The following ATAD2B variants were observed in gnomAD, a reference collection of about 807,000 sequenced individuals.
ATAD2B encodes the protein ATPase family AAA domain-containing protein 2B.
A neutral mutation model predicts 167.6 loss-of-function variants in ATAD2B; 40 were observed. The ratio of observed to expected loss-of-function variants is 0.24; its 90% CI spans 0.19 to 0.31. The LOEUF (loss-of-function observed/expected upper bound fraction) is 0.31, where lower values mean the gene tolerates loss of function less well. Ranked by LOEUF, ATAD2B falls within the 10% of genes least tolerant of loss-of-function variation. The pLI is 1.00. For synonymous variants in ATAD2B, 579 were observed against 596.5 expected (o/e 0.97, Z 0.43); for missense variants, 1,242 against 1,757.2 (o/e 0.71, Z 5.24).
rs144144094 is a variant in ATAD2B at position 23,772,043 on chromosome 2, A to C, written c.3134-6415T>G. On this transcript the variant is annotated intron_variant, in intron 22 of 27. Transcript: ENST00000238789. The stretch of plus-strand genomic sequence containing the variant: ...TCCAGGCAACCACACTACTCCTCTT[A>C]TTTGTTTCTATCTTTTGGGAATCAC... Among the ~76,000 whole-genome samples, 476 of 151,868 alleles carry C rather than the reference A, an allele frequency of 3.1e-3. 4 individuals are homozygous for C. The highest frequency in any genetic ancestry group is 0.028 in the South Asian group (135 of 4,796).
In ATAD2B at chr2:23,749,218, A is replaced by G. The variant is rs1675108028; in HGVS notation, c.*2828T>C. 6.6e-6 allele frequency: 1 copy of G among 151,732 alleles called. No individual in the cohort carries two copies. The highest frequency in any genetic ancestry group is 1.5e-5 in the Non-Finnish European group (1 of 67,930). 9.4% of individuals were successfully genotyped at this position (151,732 alleles called of 1,614,324 possible). A position where few individuals can be genotyped will look rare whatever the true frequency, so the allele number is the denominator to read the frequency against. Reference sequence around the variant, plus strand: ...AGATTCAAGCTCGAAAACACAATTAACTCCACAGCCATCAGTTTCAACCCT... The same window carrying G: ...AGATTCAAGCTCGAAAACACAATTAGCTCCACAGCCATCAGTTTCAACCCT... On this transcript the variant is annotated 3_prime_UTR_variant, in exon 28 of 28. Coordinates refer to ENST00000238789, the MANE Select transcript of ATAD2B (RefSeq NM_017552.4).
chr2:23,749,211 A>G lies in ATAD2B; in HGVS notation c.*2835T>C, dbSNP rs1164194218. On this transcript the variant is annotated 3_prime_UTR_variant, in exon 28 of 28. Transcript: ENST00000238789. ...ACAGGTGAGATTCAAGCTCGAAAAC[A>G]CAATTAACTCCACAGCCATCAGTTT... 6.6e-6 allele frequency: 1 copy of G among 152,072 alleles called. No homozygotes were observed. Among genetic ancestry groups the G allele is most frequent in the African/African-American group, 2.4e-5 (1 of 41,404 alleles). The allele number at this position is 152,072 out of a possible 1,614,324, so 9.4% of individuals were successfully genotyped here.
At chr2:23,870,939 A>G (rs1695872440) in intron 8 of ATAD2B, among the ~76,000 whole-genome samples, 1 of 152,190 alleles carries the variant, frequency 6.6e-6, no homozygotes, top group African/African-American at 2.4e-5. Context: ...CCAGATTATT[A>G]GTATAACTCA....
At chr2:23,857,582 A>G in intron 12 of ATAD2B, 79 bp from the exon 13 acceptor site, 1 of 630,302 alleles carries the variant, frequency 1.6e-6, no homozygotes, top group Non-Finnish European at 2.5e-6. Context: ...AATAGGTAAT[A>G]AAAGCAAATG....
At chr2:23,698,102 T>C in the ATAD2B span, among the ~76,000 whole-genome samples, 22,506 of 152,224 alleles carry the variant, frequency 0.15, 2,115 homozygotes, top group Non-Finnish European at 0.2. Context: ...CTGGAGCAGT[T>C]CTCCAAGACC....
At chr2:23,714,642 G>A in the ATAD2B span, among the ~76,000 whole-genome samples, 1 of 151,720 alleles carries the variant, frequency 6.6e-6, no homozygotes, top group Non-Finnish European at 1.5e-5. Context: ...ATCACTTGAG[G>A]TCAGGAGTTC....
chr2:23,821,334 G>A (rs912550359), intron 16 of ATAD2B, among the ~76,000 whole-genome samples: 3 of 152,168 alleles, frequency 2.0e-5, no homozygotes, highest in East Asian at 1.9e-4. Context: ...TAAAGGTGAC[G>A]TAAGTTTTTT....
intron 14 of ATAD2B, among the ~76,000 whole-genome samples, chr2:23,829,979 T>A (rs572593437): frequency 1.5e-5 from 2 of 134,516 alleles, no homozygotes; most frequent in African/African-American, 5.2e-5. Flanking sequence ...AATTTATTTT[T>A]CTAAAATAGT....
intron 18 of ATAD2B, among the ~76,000 whole-genome samples, chr2:23,808,704 T>C (rs558799318): frequency 6.6e-6 from 1 of 152,324 alleles, no homozygotes; most frequent in East Asian, 1.9e-4. Context: ...ACAAATTCAG[T>C]GTATCCTTTC....
chr2:23,869,839 T>C lies in ATAD2B; in HGVS notation c.978-78A>G, dbSNP rs182696804. The C allele has an allele frequency of 3.3e-3, 2,907 of 875,858 alleles. 6 individuals carry two copies. The highest frequency in any genetic ancestry group is 4.4e-3 in the Non-Finnish European group (2,490 of 568,090). The allele number at this position is 875,858 out of a possible 1,614,324, so 54.3% of individuals were successfully genotyped here. On this transcript the variant is annotated intron_variant, in intron 8 of 27. Coordinates refer to ENST00000238789, the MANE Select transcript of ATAD2B (RefSeq NM_017552.4). The stretch of plus-strand genomic sequence containing the variant: ...TAAAACACACTGTAATATCTACAAT[T>C]AGCTCAGAGAAAATTCATTCAGCAA...
At chr2:23,718,064 T>C in the ATAD2B span, among the ~76,000 whole-genome samples, 5 of 152,258 alleles carry the variant, frequency 3.3e-5, no homozygotes, top group Non-Finnish European at 7.3e-5. Flanking sequence ...TATATTCTAC[T>C]GCATCTTTCC....
At chr2:23,691,399 C>G in the ATAD2B span, 1 of 502,860 alleles carries the variant, frequency 2.0e-6, no homozygotes, top group Non-Finnish European at 3.6e-6. Context: ...GTCCTCGTCC[C>G]CATCCATAGC....
chr2:23,782,998 G>GC lies in ATAD2B; in HGVS notation c.3003_3004insG (p.Pro1002AlafsTer10). 1 of 1,557,872 alleles carries GC rather than the reference G, an allele frequency of 6.4e-7. No individual in the cohort carries two copies. The highest frequency in any genetic ancestry group is 1.1e-5 in the South Asian group (1 of 88,154). On this transcript the variant is annotated frameshift_variant, in exon 22 of 28. Transcript: ENST00000238789. LOFTEE classifies it high-confidence loss of function. ...GTTATTACTGTTGATAAGTCCATTG[G>GC]TTCCTTGATTACTTCAAGATAATCT...
At chr2:23,807,562 A>C (rs1572841403) in intron 18 of ATAD2B, among the ~76,000 whole-genome samples, 1 of 152,072 alleles carries the variant, frequency 6.6e-6, no homozygotes. Context: ...CAAATCTCTG[A>C]AGATACTTCT....
intron 7 of ATAD2B, among the ~76,000 whole-genome samples, chr2:23,878,229 C>A (rs1032401183): frequency 6.6e-6 from 1 of 151,594 alleles, no homozygotes; most frequent in Admixed American, 6.6e-5. Context: ...GGTGTGGTAG[C>A]GCATGCCTGT....
At chr2:23,758,195 C>T in intron 24 of ATAD2B, 94 bp from the exon 25 acceptor site, 1 of 1,054,402 alleles carries the variant, frequency 9.5e-7, no homozygotes, top group Admixed American at 2.7e-5. Context: ...AGAAAGTAAA[C>T]CCATGCTGAT....
intron 15 of ATAD2B, among the ~76,000 whole-genome samples, chr2:23,823,858 C>T (rs115076100): frequency 0.02 from 2,964 of 151,702 alleles, 37 homozygotes; most frequent in Non-Finnish European, 0.031. Context: ...TTAAATATGT[C>T]CTTGATATGA....
intron 19 of ATAD2B, among the ~76,000 whole-genome samples, chr2:23,792,833 G>T (rs574519304): frequency 6.6e-6 from 1 of 151,378 alleles, no homozygotes; most frequent in African/African-American, 2.4e-5. Flanking sequence ...GTGGTGGCGG[G>T]CGCCTTTAGT....
chr2:23,919,831 G>A (rs1004407119), intron 1 of ATAD2B, among the ~76,000 whole-genome samples: 2 of 142,802 alleles, frequency 1.4e-5, no homozygotes, highest in Admixed American at 1.4e-4. Context: ...GGCAACAAGA[G>A]GGAAACTCTG....
Sources: allele counts gnomAD v4.1 joint callset (sites outside exome capture counted in the v4.1 genomes callset), GRCh38; gene constraint gnomAD v4.1.1; transcripts MANE v1.5; gene names NCBI Gene and HGNC (gene_info 2026-07-23, HGNC 2026-07-21).